HPGDS: variants seen among roughly 807,000 people sequenced by gnomAD.
HPGDS encodes hematopoietic prostaglandin D synthase.
A neutral mutation model predicts 23.1 loss-of-function variants in HPGDS; 26 were observed. The ratio of observed to expected loss-of-function variants is 1.13; its 90% CI spans 0.83 to 1.56. HPGDS has a LOEUF of 1.56. Ranked by LOEUF, HPGDS falls within the 40% of genes most tolerant of loss-of-function variation. HPGDS has a pLI of 0.00. For synonymous variants in HPGDS, 95 were observed against 77.9 expected (o/e 1.22, Z -1.16); for missense variants, 268 against 236.4 (o/e 1.13, Z -0.88).
chr4:94,323,208 G>T (rs1362792697), intron 2 of HPGDS, among the ~76,000 whole-genome samples: 1 of 152,224 alleles, frequency 6.6e-6, no homozygotes, highest in African/African-American at 2.4e-5. Context: ...TGGAATAAGT[G>T]TGGTGTGGTG....
At chr4:94,302,492 A>G (rs1261550760) in intron 4 of HPGDS, among the ~76,000 whole-genome samples, 1 of 152,142 alleles carries the variant, frequency 6.6e-6, no homozygotes, top group Non-Finnish European at 1.5e-5. Flanking sequence ...TTCTTTGTGT[A>G]TAATGACTAA....
intron 2 of HPGDS, among the ~76,000 whole-genome samples, chr4:94,327,465 G>A (rs1030706178): frequency 6.6e-6 from 1 of 152,062 alleles, no homozygotes; most frequent in African/African-American, 2.4e-5. Flanking sequence ...TGGGTGGGGT[G>A]GGCTGGTCCT....
intron 2 of HPGDS, among the ~76,000 whole-genome samples, chr4:94,330,801 G>A (rs1284490558): frequency 6.6e-6 from 1 of 152,100 alleles, no homozygotes; most frequent in African/African-American, 2.4e-5. Context: ...TTCAAGAACT[G>A]TTTGTCTCTG....
At chr4:94,323,594 T>C (rs916146794) in intron 2 of HPGDS, among the ~76,000 whole-genome samples, 2 of 152,178 alleles carry the variant, frequency 1.3e-5, no homozygotes, top group African/African-American at 4.8e-5. Context: ...CCCCTCCTTT[T>C]TTTTTGTTTT....
intron 1 of HPGDS, among the ~76,000 whole-genome samples, chr4:94,339,772 T>C (rs139792655): frequency 3.9e-5 from 6 of 152,240 alleles, no homozygotes; most frequent in African/African-American, 1.4e-4. Context: ...GAATTGTAGC[T>C]CCCATAATTC....
At chr4:94,303,174 G>T (rs900405638) in intron 4 of HPGDS, among the ~76,000 whole-genome samples, 3 of 152,024 alleles carry the variant, frequency 2.0e-5, no homozygotes, top group African/African-American at 7.2e-5. Context: ...TTAGCTAGAT[G>T]GTATATACTA....
intron 3 of HPGDS, among the ~76,000 whole-genome samples, chr4:94,312,252 T>G (rs1365165854): frequency 6.6e-6 from 1 of 152,234 alleles, no homozygotes; most frequent in Non-Finnish European, 1.5e-5. Context: ...TTTAGATCTT[T>G]CCTGCTTTCT....
chr4:94,318,039 A>C, intron 2 of HPGDS, 74 bp from the exon 3 acceptor site: 1 of 811,028 alleles, frequency 1.2e-6, no homozygotes, highest in Non-Finnish European at 2.1e-6. Flanking sequence ...TTTACTGATC[A>C]TCGTGAAAAC....
intron 2 of HPGDS, among the ~76,000 whole-genome samples, chr4:94,321,043 T>C (rs1349805645): frequency 6.6e-6 from 1 of 151,966 alleles, no homozygotes; most frequent in Non-Finnish European, 1.5e-5. Flanking sequence ...TTCTTGTTTT[T>C]GTCAGGTTTG....
intron 1 of HPGDS, among the ~76,000 whole-genome samples, chr4:94,334,943 C>CA (rs1037969205): frequency 3.3e-5 from 5 of 151,696 alleles, no homozygotes; most frequent in Admixed American, 1.3e-4. Flanking sequence ...GAGCATGGAG[C>CA]AAAAAAAACT....
chr4:94,324,944 G>C (rs1290974842), intron 2 of HPGDS, among the ~76,000 whole-genome samples: 2 of 152,174 alleles, frequency 1.3e-5, no homozygotes, highest in Non-Finnish European at 2.9e-5. Flanking sequence ...TTGGGTTTTG[G>C]TGTGGATGTC....
At chr4:94,338,862 A>G (rs2126047069) in intron 1 of HPGDS, among the ~76,000 whole-genome samples, 1 of 152,330 alleles carries the variant, frequency 6.6e-6, no homozygotes, top group East Asian at 1.9e-4. Flanking sequence ...TTCTACAGAT[A>G]AACTGGATCC....
intron 2 of HPGDS, among the ~76,000 whole-genome samples, chr4:94,324,376 C>T (rs13102926): frequency 0.33 from 50,699 of 151,980 alleles, 9,914 homozygotes; most frequent in Non-Finnish European, 0.44. Flanking sequence ...TCCATTCTCC[C>T]CATCATGTTT....
chr4:94,306,936 A>G (rs1180631482), intron 4 of HPGDS, among the ~76,000 whole-genome samples: 1 of 152,066 alleles, frequency 6.6e-6, no homozygotes, highest in Non-Finnish European at 1.5e-5. Context: ...ATTGAACGGA[A>G]TCACCAAGGA....
In HPGDS at chr4:94,304,048, A is replaced by T. The variant is rs539208382; in HGVS notation, c.337-1804T>A. ...TTCTTTTTTTTTCCAGATATATTTT[A>T]AAAAACACATTTCCTGATCCATCCT... On this transcript the variant is annotated intron_variant, in intron 4 of 5. Transcript: ENST00000295256. The T allele has an allele frequency of 7.2e-5, 11 of 151,936 alleles. No individual in the cohort carries two copies. The South Asian group carries it at 1.7e-3, about 23-fold the overall frequency. 9.4% of individuals were successfully genotyped at this position (151,936 alleles called of 1,614,324 possible).
At chr4:94,317,772 T>G in intron 3 of HPGDS, 101 bp downstream of exon 3, 1 of 630,648 alleles carries the variant, frequency 1.6e-6, no homozygotes, top group African/African-American at 1.9e-5. Context: ...CATTCTTATT[T>G]GTACTATAGT....
chr4:94,331,045 C>G (rs1421470830), intron 2 of HPGDS, among the ~76,000 whole-genome samples: 3 of 152,130 alleles, frequency 2.0e-5, no homozygotes, highest in Non-Finnish European at 4.4e-5. Context: ...TTGGTTACAG[C>G]CCAGAGTTTG....
At chr4:94,305,378 G>C (rs1401818378) in intron 4 of HPGDS, among the ~76,000 whole-genome samples, 3 of 151,972 alleles carry the variant, frequency 2.0e-5, no homozygotes, top group Non-Finnish European at 4.4e-5. Flanking sequence ...GTGTGTGTGT[G>C]GGCAGACCCT....
chr4:94,319,848 G>A (rs1756468114), intron 2 of HPGDS, among the ~76,000 whole-genome samples: 2 of 152,080 alleles, frequency 1.3e-5, no homozygotes, highest in African/African-American at 2.4e-5. Context: ...TGCCATGTTG[G>A]TGTGCTGCAC....
Sources: allele counts gnomAD v4.1 joint callset (sites outside exome capture counted in the v4.1 genomes callset), GRCh38; gene constraint gnomAD v4.1.1; transcripts MANE v1.5; gene names NCBI Gene and HGNC (gene_info 2026-07-23, HGNC 2026-07-21).